STK11: variants seen among roughly 807,000 people sequenced by gnomAD.
The protein encoded by STK11 is serine/threonine-protein kinase STK11.
In STK11, 8 loss-of-function variants were observed where a neutral mutation model predicts 47.3. The ratio of observed to expected loss-of-function variants is 0.17; its 90% CI spans 0.10 to 0.31. The LOEUF (loss-of-function observed/expected upper bound fraction) is 0.31. Ranked by LOEUF, STK11 falls within the 10% of genes least tolerant of loss-of-function variation. The probability of loss-of-function intolerance (pLI) is 1.00; values close to 1 mark genes in which losing one functional copy is unlikely to be tolerated. For synonymous variants in STK11, 330 were observed against 255.8 expected (o/e 1.29, Z -2.77); for missense variants, 475 against 605.0 (o/e 0.79, Z 2.25).
At chr19:1,214,835 C>T (rs2080734663) in intron 1 of STK11, among the ~76,000 whole-genome samples, 1 of 152,204 alleles carries the variant, frequency 6.6e-6, no homozygotes, top group African/African-American at 2.4e-5. Context: ...GTGTCCTGGG[C>T]CACCTTCCCT....
chr19:1,209,825 C>T (rs1271022673), intron 1 of STK11, among the ~76,000 whole-genome samples: 1 of 151,840 alleles, frequency 6.6e-6, no homozygotes, highest in African/African-American at 2.4e-5. Flanking sequence ...GTTGCAGGAA[C>T]CTAGTCTGGC....
rs764154797 is a variant in STK11, at chr19:1,206,939, T to C, written c.26T>C (p.Leu9Pro). MEVVDPQQ[L>P]GMFTEGELMS... is the part of the protein sequence containing the mutation. The stretch of plus-strand genomic sequence containing the variant: ...ATGGAGGTGGTGGACCCGCAGCAGC[T>C]GGGCATGTTCACGGAGGGCGAGCTG... The change falls in exon 1 of 10, where the codon CTG becomes CCG. Residue 9 changes from leucine (L) to proline (P), a missense_variant. Coordinates refer to ENST00000326873, the MANE Select transcript of STK11 (RefSeq NM_000455.5). The C allele has an allele frequency of 2.5e-6, 4 of 1,599,362 alleles. No individual in the cohort carries two copies. The South Asian group carries it at 4.5e-5, about 18-fold the overall frequency.
Position 1,226,585 on chromosome 19 carries a change from G to C in STK11, c.1240G>C (p.Ala414Pro), listed in dbSNP as rs2080823635. The C allele has an allele frequency of 6.4e-7, 1 of 1,574,676 alleles. No individual in the cohort carries two copies. Among genetic ancestry groups the C allele is most frequent in the Non-Finnish European group, 8.6e-7 (1 of 1,161,814 alleles). Residue 414 changes from alanine (A) to proline (P), a missense_variant, in exon 9 of 10, where the codon GCC becomes CCC. Around this residue, in one of 5 missense-constraint regions of STK11, gnomAD observed 219 missense variants for 189.2 expected, o/e 1.16. Coordinates refer to ENST00000326873, the MANE Select transcript of STK11 (RefSeq NM_000455.5). ...SRAEGRAPNPARKACSASSKI... is the reference protein window; with the variant it reads ...SRAEGRAPNPPRKACSASSKI... ...GGCGGAGGGCCGGGCCCCCAACCCTGCCCGCAAGGCCTGCTCCGCCAGCAG... is the reference window on the plus strand; with the variant it reads ...GGCGGAGGGCCGGGCCCCCAACCCTCCCCGCAAGGCCTGCTCCGCCAGCAG...
At chr19:1,223,258 G>A in intron 8 of STK11, 86 bp downstream of exon 8, 3 of 1,468,786 alleles carry the variant, frequency 2.0e-6, no homozygotes, top group Non-Finnish European at 2.8e-6. Context: ...TCTGCAACAA[G>A]GACAGCTTCT....
At position 1,206,580 on chromosome 19, in the gene STK11, G is replaced by A. The variant is rs1240373984; in HGVS notation, c.-334G>A. The A allele has an allele frequency of 7.1e-6, 3 of 420,582 alleles. No homozygotes were observed. Among genetic ancestry groups the A allele is most frequent in the Admixed American group, 8.3e-5 (2 of 24,178 alleles). 26.1% of individuals were successfully genotyped at this position (420,582 alleles called of 1,614,324 possible). ...TGAAAAGCCCCGGCCGGCCTCCCCA[G>A]GGTCCCCGAGGACGAAGTTGACCCT... On this transcript the variant is annotated 5_prime_UTR_variant, in exon 1 of 10. Coordinates refer to ENST00000326873, the MANE Select transcript of STK11 (RefSeq NM_000455.5).
rs1568712119 is a variant in STK11, at chr19:1,223,043, G to A, written c.979G>A (p.Asp327Asn). 6.3e-7 allele frequency: 1 copy of A among 1,599,304 alleles called. No homozygotes were observed. Among genetic ancestry groups the A allele is most frequent in the Non-Finnish European group, 8.5e-7 (1 of 1,173,754 alleles). ...ACCAGTGCCCATCCCACCGAGCCCA[G>A]ACACCAAGGACCGGTGGCGCAGCAT... ...EAPVPIPPSP[D>N]TKDRWRSMTV... Residue 327 changes from aspartate to asparagine, a missense_variant, in exon 8 of 10, where the codon GAC (aspartate) becomes AAC (asparagine). By Grantham distance (23) the Asp-to-Asn change is conservative. Coordinates refer to ENST00000326873, the MANE Select transcript of STK11 (RefSeq NM_000455.5).
intron 1 of STK11, among the ~76,000 whole-genome samples, chr19:1,217,090 C>T (rs578064259): frequency 6.6e-6 from 1 of 152,110 alleles, no homozygotes; most frequent in Non-Finnish European, 1.5e-5. Flanking sequence ...TACTGTTCCT[C>T]AGGGTGTGTA....
At chr19:1,222,641 C>T (rs1448017072) in intron 7 of STK11, among the ~76,000 whole-genome samples, 1 of 152,132 alleles carries the variant, frequency 6.6e-6, no homozygotes, top group Non-Finnish European at 1.5e-5. Flanking sequence ...CTGGGGCTGC[C>T]CCCCGATAGC....
rs587781537 is a variant in STK11 at position 1,226,628 on chromosome 19, C to T, written c.1283C>T (p.Ser428Leu). The T allele has an allele frequency of 9.1e-6, 14 of 1,542,420 alleles. No homozygotes were observed. The highest frequency in any genetic ancestry group is 2.4e-5 in the South Asian group (2 of 83,844). Residue 428 changes from serine to leucine, a missense_variant, in exon 9 of 10, where the codon TCG (serine) becomes TTG (leucine). By Grantham distance (145) the Ser-to-Leu change is moderately radical. This residue lies in a region of STK11 where 219 missense variants were observed against 189.2 expected (regional missense o/e 1.16). Coordinates refer to ENST00000326873, the MANE Select transcript of STK11 (RefSeq NM_000455.5). ...GCCAGCAGCAAGATCCGCCGGCTGT[C>T]GGCCTGCAAGCAGCAGTGAGGCTGG... Reference protein sequence around the residue: ...CSASSKIRRLSACKQQ With the variant: ...CSASSKIRRLLACKQQ
rs758448869 is a variant in STK11 at position 1,219,375 on chromosome 19, C to T, written c.426C>T (p.Ser142=). The change falls in exon 3 of 10, where the codon AGC becomes AGT. Residue 142 remains serine (S), a synonymous_variant. Transcript: ENST00000326873. ...GTGGCATGCAGGAAATGCTGGACAG[C>T]GTGCCGGAGAAGCGTTTCCCAGTGT... ...CVCGMQEMLD[S]VPEKRFPVCQ... 1.1e-4 allele frequency: 174 copies of T among 1,555,346 alleles called. No individual in the cohort carries two copies. The Admixed American group carries it at 2.2e-3, about 20-fold the overall frequency.
rs1568717819 is a variant in STK11 at position 1,226,675 on chromosome 19, C to CGGGGCCCGGGT, written c.*16+18_*16+28dup. The stretch of plus-strand genomic sequence containing the variant: ...CTGGCCGCCTGCAGGTGGGGCGCGG[C>CGGGGCCCGGGT]GGGGCCCGGGTGGGGCATGTGGGGA... On this transcript the variant is annotated intron_variant, in intron 9 of 9. Coordinates refer to ENST00000326873, the MANE Select transcript of STK11 (RefSeq NM_000455.5). 1.3e-6 allele frequency: 2 copies of CGGGGCCCGGGT among 1,484,844 alleles called. No individual in the cohort carries two copies. The highest frequency in any genetic ancestry group is 8.9e-7 in the Non-Finnish European group (1 of 1,122,486). The allele number at this position is 1,484,844 out of a possible 1,614,324, so 92.0% of individuals were successfully genotyped here.
At chr19:1,214,292 G>A (rs1173849906) in intron 1 of STK11, among the ~76,000 whole-genome samples, 3 of 152,224 alleles carry the variant, frequency 2.0e-5, no homozygotes, top group Non-Finnish European at 4.4e-5. Flanking sequence ...TCCTCCCCTG[G>A]CATAAATCGG....
In STK11 at chr19:1,220,723, T is replaced by C; in HGVS notation, c.734+6T>C. ...TGGTCGGCTGGGGTCACCCTGTAAG[T>C]GCCCCGCCCCCCCGGGCACTCACCA... On this transcript the variant is annotated splice_donor_region_variant and intron_variant, in intron 5 of 9. Transcript: ENST00000326873. 1 of 1,603,756 alleles carries C rather than the reference T, an allele frequency of 6.2e-7. No individual in the cohort carries two copies. Among genetic ancestry groups the C allele is most frequent in the Non-Finnish European group, 8.5e-7 (1 of 1,174,674 alleles).
intron 9 of STK11, chr19:1,226,883 T>C: frequency 1.8e-6 from 1 of 564,524 alleles, no homozygotes; most frequent in Non-Finnish European, 3.0e-6. Flanking sequence ...GAGGCCTACG[T>C]GTGGCGGGGC....
At chr19:1,219,251 C>A in intron 2 of STK11, 73 bp from the exon 3 acceptor site, 1 of 1,528,936 alleles carries the variant, frequency 6.5e-7, no homozygotes, top group South Asian at 1.2e-5. Flanking sequence ...TCCAGAGCCC[C>A]TTTTCTGGCC....
At chr19:1,217,537 C>G (rs537233097) in intron 1 of STK11, among the ~76,000 whole-genome samples, 10 of 152,252 alleles carry the variant, frequency 6.6e-5, no homozygotes, top group African/African-American at 2.4e-4. Context: ...CTGTTGTGCC[C>G]CACCCTTGTG....
Position 1,228,142 on chromosome 19 carries a change from C to T in STK11, c.*566C>T. The T allele has an allele frequency of 9.4e-7, 1 of 1,063,786 alleles. No individual in the cohort carries two copies. Among genetic ancestry groups the T allele is most frequent in the Non-Finnish European group, 1.1e-6 (1 of 878,268 alleles). The allele number at this position is 1,063,786 out of a possible 1,614,324, so 65.9% of individuals were successfully genotyped here. A position where few individuals can be genotyped will look rare whatever the true frequency, so the allele number is the denominator to read the frequency against. On this transcript the variant is annotated 3_prime_UTR_variant, in exon 10 of 10. Coordinates refer to ENST00000326873, the MANE Select transcript of STK11 (RefSeq NM_000455.5). ...TGGGAGCTGCTGGGTGGCAGGGGGG[C>T]TGTGGGGTCGGGCTCACGTCGCGGC...
At position 1,223,023 on chromosome 19, in the gene STK11, T is replaced by C. The variant is rs781528711; in HGVS notation, c.959T>C (p.Val320Ala). The change falls in exon 8 of 10, where the codon GTG (valine) becomes GCG (alanine). Residue 320 changes from valine (V) to alanine (A), a missense_variant. Physicochemically the swap from Val to Ala is moderately conservative, Grantham distance 64. Around this residue, in one of 5 missense-constraint regions of STK11, gnomAD observed 219 missense variants for 189.2 expected, o/e 1.16. Coordinates refer to ENST00000326873, the MANE Select transcript of STK11 (RefSeq NM_000455.5). The part of the protein sequence containing the change: ...RKKHPPAEAP[V>A]PIPPSPDTKD... The stretch of plus-strand genomic sequence containing the variant: ...AAACATCCTCCGGCTGAAGCACCAG[T>C]GCCCATCCCACCGAGCCCAGACACC... 6.3e-7 allele frequency: 1 copy of C among 1,587,378 alleles called. No homozygotes were observed. Among genetic ancestry groups the C allele is most frequent in the Non-Finnish European group, 8.6e-7 (1 of 1,167,622 alleles).
chr19:1,225,413 G>A (rs1488353096), intron 8 of STK11: 9 of 781,646 alleles, frequency 1.2e-5, no homozygotes, highest in Non-Finnish European at 1.4e-5. Flanking sequence ...GGGATTACAA[G>A]TGCGCGCCAG....
Sources: gnomAD v4.1 joint callset for allele counts (sites outside exome capture counted in the v4.1 genomes callset) on GRCh38, gnomAD v4.1.1 for gene constraint, gnomAD v4.1.1 regional missense constraint, MANE v1.5 for transcripts, NCBI Gene and HGNC (gene_info 2026-07-23, HGNC 2026-07-21) for gene names.